The following NCAM1 variants were observed in gnomAD, a reference collection of about 807,000 sequenced individuals.
The protein encoded by NCAM1 is antigen recognized by monoclonal antibody 5.1H11.
NCAM1 carries 14 observed loss-of-function variants against 109.8 expected under a neutral mutation model. The observed-to-expected ratio is 0.13, with a 90% confidence interval of 0.08 to 0.20. The LOEUF (loss-of-function observed/expected upper bound fraction) is 0.20. Among genes scored for constraint, NCAM1 ranks in the 10% least tolerant of loss-of-function variants. The pLI is 1.00. For missense variants in NCAM1, 774 were observed against 1,109.9 expected (o/e 0.70, Z 4.30); for synonymous variants, 418 against 442.9 (o/e 0.94, Z 0.70).
intron 16 of NCAM1, among the ~76,000 whole-genome samples, chr11:113,258,821 C>CA (rs779595039): frequency 3.8e-4 from 57 of 151,448 alleles, no homozygotes; most frequent in African/African-American, 1.1e-3. Context: ...TTAAGAAAAA[C>CA]AAAAAAAAGG....
intron 1 of NCAM1, among the ~76,000 whole-genome samples, chr11:113,181,950 G>A (rs528795620): frequency 2.0e-5 from 3 of 152,220 alleles, no homozygotes; most frequent in South Asian, 2.1e-4. Context: ...GGGTACATTC[G>A]GAATACACAT....
chr11:113,128,946 T>TGTGC (rs1941289553), intron 1 of NCAM1, among the ~76,000 whole-genome samples: 2 of 142,906 alleles, frequency 1.4e-5, no homozygotes, highest in African/African-American at 5.1e-5. Flanking sequence ...TGTGTGTGTG[T>TGTGC]GTGCATGCGT....
intron 1 of NCAM1, among the ~76,000 whole-genome samples, chr11:113,006,548 G>A (rs1555073356): frequency 6.6e-6 from 1 of 152,136 alleles, no homozygotes; most frequent in Admixed American, 6.5e-5. Flanking sequence ...TATCACACAA[G>A]TGCAGGCATC....
intron 1 of NCAM1, among the ~76,000 whole-genome samples, chr11:112,982,667 T>A (rs1047650671): frequency 6.6e-6 from 1 of 151,794 alleles, no homozygotes; most frequent in Non-Finnish European, 1.5e-5. Context: ...AGTGACTGAT[T>A]TGGATATGCA....
intron 1 of NCAM1, among the ~76,000 whole-genome samples, chr11:113,054,713 C>A (rs1555082266): frequency 1.3e-5 from 2 of 152,108 alleles, no homozygotes; most frequent in Admixed American, 1.3e-4. Context: ...CTAATAGCTG[C>A]ATGTTTTTGA....
chr11:113,150,553 G>A lies in NCAM1; in HGVS notation c.53-51826G>A, dbSNP rs75812610. ...TTCATATGCTAGCACCAATATAGGC[G>A]CTGGGAGGAGTCAACAGCATAGGAC... On this transcript the variant is annotated intron_variant, in intron 1 of 19. Coordinates refer to ENST00000316851, the MANE Select transcript of NCAM1 (RefSeq NM_181351.5). Among the ~76,000 whole-genome samples the A allele has an allele frequency of 7.5e-3, 1,135 of 152,312 alleles. 7 individuals are homozygous for A. The highest frequency in any genetic ancestry group is 0.025 in the African/African-American group (1,044 of 41,570).
chr11:113,252,495 T>A (rs1416664499), intron 15 of NCAM1, among the ~76,000 whole-genome samples: 1 of 152,092 alleles, frequency 6.6e-6, no homozygotes, highest in Non-Finnish European at 1.5e-5. Flanking sequence ...TAACTTAGTT[T>A]TTTCATTTGG....
intron 14 of NCAM1, 52 bp from the exon 15 acceptor site, chr11:113,246,315 CT>C: frequency 2.7e-6 from 2 of 728,984 alleles, no homozygotes; most frequent in Non-Finnish European, 5.0e-6. Context: ...TATCATGTGA[CT>C]TTGTCATGTG....
intron 1 of NCAM1, among the ~76,000 whole-genome samples, chr11:112,982,856 C>T (rs1555068974): frequency 1.3e-5 from 2 of 151,808 alleles, no homozygotes; most frequent in Non-Finnish European, 2.9e-5. Context: ...GAAGAAAAGC[C>T]AGGTATACCG....
intron 1 of NCAM1, among the ~76,000 whole-genome samples, chr11:113,094,222 T>C (rs556800082): frequency 6.6e-6 from 1 of 152,196 alleles, no homozygotes; most frequent in East Asian, 1.9e-4. Context: ...TTAAACAAGT[T>C]CAGAATCCAA....
chr11:112,989,288 C>T (rs187838969), intron 1 of NCAM1, among the ~76,000 whole-genome samples: 46 of 152,106 alleles, frequency 3.0e-4, no homozygotes, highest in Non-Finnish European at 3.2e-4. Context: ...ATCCTTTCTT[C>T]GCTCTTTTTC....
chr11:113,144,113 A>G (rs1399101979), intron 1 of NCAM1, among the ~76,000 whole-genome samples: 1 of 152,182 alleles, frequency 6.6e-6, no homozygotes, highest in East Asian at 1.9e-4. Flanking sequence ...TGGCTCAGTC[A>G]CTAGCCTGCC....
chr11:113,114,948 T>TG (rs1398798225), intron 1 of NCAM1, among the ~76,000 whole-genome samples: 2 of 152,174 alleles, frequency 1.3e-5, no homozygotes, highest in African/African-American at 4.8e-5. Context: ...ACTCAATTCT[T>TG]GGGGGGAATT....
chr11:113,270,753 C>T (rs1251655854), intron 18 of NCAM1, among the ~76,000 whole-genome samples: 6 of 152,180 alleles, frequency 3.9e-5, no homozygotes, highest in Admixed American at 3.9e-4. Context: ...TGCTTTCGTA[C>T]ATTGTTTATT....
At chr11:112,974,607 G>A (rs1339764208) in intron 1 of NCAM1, among the ~76,000 whole-genome samples, 3 of 152,076 alleles carry the variant, frequency 2.0e-5, no homozygotes, top group East Asian at 3.9e-4. Context: ...AATGGATTGG[G>A]GGTAATTTTT....
At chr11:113,078,604 G>A (rs374762843) in intron 1 of NCAM1, among the ~76,000 whole-genome samples, 4 of 151,996 alleles carry the variant, frequency 2.6e-5, no homozygotes, top group Admixed American at 1.3e-4. Flanking sequence ...GATTTTTAAA[G>A]GTGTCTCATA....
intron 1 of NCAM1, among the ~76,000 whole-genome samples, chr11:113,094,997 A>T (rs1308635634): frequency 6.6e-6 from 1 of 152,182 alleles, no homozygotes; most frequent in Non-Finnish European, 1.5e-5. Flanking sequence ...TAATTATTTT[A>T]TATTTCTCTT....
chr11:113,232,655 A>G (rs1299780056), intron 11 of NCAM1, 63 bp from the exon 12 acceptor site: 1 of 1,285,090 alleles, frequency 7.8e-7, no homozygotes, highest in Non-Finnish European at 1.1e-6. Flanking sequence ...TCAGTAAATA[A>G]AGATCTGAGT....
intron 1 of NCAM1, among the ~76,000 whole-genome samples, chr11:112,982,572 T>C (rs922980561): frequency 6.6e-6 from 1 of 151,746 alleles, no homozygotes; most frequent in Non-Finnish European, 1.5e-5. Flanking sequence ...TGTGAGGTGA[T>C]GGGAGGTGGA....
Sources: gnomAD v4.1 joint callset for allele counts (sites outside exome capture counted in the v4.1 genomes callset) on GRCh38, gnomAD v4.1.1 for gene constraint, MANE v1.5 for transcripts, NCBI Gene and HGNC (gene_info 2026-07-23, HGNC 2026-07-21) for gene names.